UNC45A: variants seen among roughly 807,000 people sequenced by gnomAD.
The protein encoded by UNC45A is protein unc-45 homolog A.
A neutral mutation model predicts 103.2 loss-of-function variants in UNC45A; 78 were observed. The ratio of observed to expected loss-of-function variants is 0.76; its 90% CI spans 0.63 to 0.91. UNC45A has a LOEUF of 0.91. Ranked by LOEUF, UNC45A falls within the 40% of genes least tolerant of loss-of-function variation. UNC45A has a pLI of 0.00. For synonymous variants in UNC45A, 495 were observed against 504.6 expected, an observed-to-expected ratio of 0.98 and a Z score of 0.25; for missense variants, 1,193 against 1,224.8, an observed-to-expected ratio of 0.97 and a Z score of 0.39.
chr15:90,931,507 G>A (rs1347013665), upstream of UNC45A: 9 of 1,614,028 alleles, frequency 5.6e-6, no homozygotes, highest in African/African-American at 1.3e-5. Context: ...AGTTCCTGAT[G>A]GAATGAGCTG....
rs752511822 is a variant in UNC45A, at chr15:90,949,310, C to T, written c.1879-6C>T. 1.6e-5 allele frequency: 25 copies of T among 1,610,568 alleles called. No individual in the cohort carries two copies. The Admixed American group carries it at 3.8e-4, about 25-fold the overall frequency. On this transcript the variant is annotated splice_polypyrimidine_tract_variant and splice_region_variant and intron_variant, in intron 13 of 19. Coordinates refer to ENST00000418476, the MANE Select transcript of UNC45A (RefSeq NM_018671.5). Reference sequence around the variant, plus strand: ...GGCCCCTCTCCTAAGCTGCCTCCTCCCCCAGGACAAGCCAAGCTTCGTGCG... The same window carrying T: ...GGCCCCTCTCCTAAGCTGCCTCCTCTCCCAGGACAAGCCAAGCTTCGTGCG...
chr15:90,948,875 CTTTTTTTTTTTTT>C lies in UNC45A; in HGVS notation c.1878+90_1878+102del, dbSNP rs5814443. The C allele has an allele frequency of 3.2e-5, 32 of 986,290 alleles. No homozygotes were observed. In the South Asian group the frequency reaches 5.9e-4, roughly 18 times the overall value. 61.1% of individuals were successfully genotyped at this position (986,290 alleles called of 1,614,324 possible). On this transcript the variant is annotated intron_variant, in intron 13 of 19. Transcript: ENST00000418476. ...GGGCATCCACAGCAGAACAACCTCC[CTTTTTTTTTTTTT>C]TTTTTTTTGAGATGGAGTCTCACTG...
rs548551634 is a variant in UNC45A at position 90,950,523 on chromosome 15, C to T, written c.2211C>T (p.Leu737=). 205 of 1,614,094 alleles carry T rather than the reference C, an allele frequency of 1.3e-4. No individual in the cohort carries two copies. The highest frequency in any genetic ancestry group is 1.4e-4 in the Non-Finnish European group (169 of 1,180,016). ...GERIYEVVRP[L]VSLLHLNCSG... ...AGATCTATGAGGTGGTCCGGCCCCT[C>T]GTCTCCCTGTTGCACCTCAACTGCT... Residue 737 remains leucine, a synonymous_variant, in exon 17 of 20, where the codon CTC becomes CTT. Coordinates refer to ENST00000418476, the MANE Select transcript of UNC45A (RefSeq NM_018671.5).
At chr15:90,947,279 G>C (rs1466172377) in intron 10 of UNC45A, 1 of 292,882 alleles carries the variant, frequency 3.4e-6, no homozygotes, top group Non-Finnish European at 6.6e-6. Context: ...GACTGGGCCT[G>C]CAGGGGTCAT....
At chr15:90,935,800 A>G in intron 2 of UNC45A, 95 bp downstream of exon 2, 2 of 1,528,530 alleles carry the variant, frequency 1.3e-6, no homozygotes, top group South Asian at 1.3e-5. Flanking sequence ...TCACGCTCCC[A>G]GGCCATCCCC....
chr15:90,952,947 G>A lies in UNC45A; in HGVS notation c.2322G>A (p.Glu774=), dbSNP rs1409304728. 1 of 1,613,120 alleles carries A rather than the reference G, an allele frequency of 6.2e-7. No individual in the cohort carries two copies. The highest frequency in any genetic ancestry group is 8.5e-7 in the Non-Finnish European group (1 of 1,180,032). The change falls in exon 18 of 20, where the codon GAG becomes GAA. Residue 774 remains glutamate, a synonymous_variant. Coordinates refer to ENST00000418476, the MANE Select transcript of UNC45A (RefSeq NM_018671.5). ...SERLRQKILK[E]KAVPMIEGYM... is the part of the protein sequence containing the mutation. Reference sequence around the variant, plus strand: ...CCTGCAGGCAGAAGATCCTGAAGGAGAAGGCTGTGCCCATGATAGAAGGCT... The same window carrying A: ...CCTGCAGGCAGAAGATCCTGAAGGAAAAGGCTGTGCCCATGATAGAAGGCT...
At chr15:90,932,482 C>T (rs544321005), upstream of UNC45A, 2 of 1,308,306 alleles carry the variant, frequency 1.5e-6, no homozygotes, top group South Asian at 2.4e-5. Context: ...CCGCTGCTGC[C>T]GGTGCTTGCG....
rs756931207 is a variant in UNC45A at position 90,935,313 on chromosome 15, A to C, written c.-12A>C. 4.4e-6 allele frequency: 7 copies of C among 1,600,610 alleles called. No homozygotes were observed. The highest frequency in any genetic ancestry group is 2.3e-5 in the East Asian group (1 of 44,098). ...GACTGCGCCTGCGCGGGCACGAGAC[A>C]ACCTCTCCGCGATGACTGTGAGTGG... On this transcript the variant is annotated 5_prime_UTR_variant, in exon 1 of 20. Coordinates refer to ENST00000418476, the MANE Select transcript of UNC45A (RefSeq NM_018671.5).
chr15:90,932,004 G>A (rs1174914889), upstream of UNC45A: 9 of 1,613,848 alleles, frequency 5.6e-6, no homozygotes, highest in Non-Finnish European at 7.6e-6. Context: ...ATTGCTGAAT[G>A]GGGCCCCTAA....
At chr15:90,935,102 T>C, upstream of UNC45A, 2 of 591,108 alleles carry the variant, frequency 3.4e-6, no homozygotes, top group Non-Finnish European at 6.0e-6. Context: ...TCCCTGCAGG[T>C]CTCTGCGGGG....
At position 90,954,057 on chromosome 15, in the gene UNC45A, C is replaced by T; in HGVS notation, c.*341C>T. 2.9e-6 allele frequency: 1 copy of T among 343,278 alleles called. No homozygotes were observed. The highest frequency in any genetic ancestry group is 5.6e-6 in the Non-Finnish European group (1 of 178,450). The allele number at this position is 343,278 out of a possible 1,614,324, so 21.3% of individuals were successfully genotyped here. A position where few individuals can be genotyped will look rare whatever the true frequency, so the allele number is the denominator to read the frequency against. ...GCCTCACCAGCTGTGAGCCTGCTAT[C>T]AGGCCTGCCCCTCCAATAAAAGTGT... On this transcript the variant is annotated 3_prime_UTR_variant, in exon 20 of 20. Transcript: ENST00000418476.
In UNC45A at chr15:90,948,832, A is replaced by G. The variant is rs1212640368; in HGVS notation, c.1878+38A>G. The G allele has an allele frequency of 3.9e-6, 6 of 1,533,002 alleles. No homozygotes were observed. In the East Asian group the frequency reaches 1.5e-4, roughly 37 times the overall value. The allele number at this position is 1,533,002 out of a possible 1,614,324, so 95.0% of individuals were successfully genotyped here. A position where few individuals can be genotyped will look rare whatever the true frequency, so the allele number is the denominator to read the frequency against. ...CAGAGGGGCTAGAGGGTTCCCCACC[A>G]TGGGGACAGCTAACCCAGGGCATCC... On this transcript the variant is annotated intron_variant, in intron 13 of 19. Transcript: ENST00000418476.
chr15:90,935,496 C>G, intron 1 of UNC45A, 48 bp from the exon 2 acceptor site: 1 of 1,574,938 alleles, frequency 6.3e-7, no homozygotes, highest in Non-Finnish European at 8.6e-7. Flanking sequence ...AGCTCCCGGG[C>G]TCTGCCCCGA....
Position 90,948,131 on chromosome 15 carries a change from C to T in UNC45A, c.1596-11C>T, listed in dbSNP as rs372621054. On this transcript the variant is annotated splice_polypyrimidine_tract_variant and intron_variant, in intron 11 of 19. Transcript: ENST00000418476. ...ATCCTGAGGGTCGTCCACTATCCTG[C>T]GTGTCCCCAGGTGGCTGTGCAATGA... 4.3e-5 allele frequency: 69 copies of T among 1,613,718 alleles called. No individual in the cohort carries two copies. Among genetic ancestry groups the T allele is most frequent in the East Asian group, 1.1e-4 (5 of 44,890 alleles).
intron 4 of UNC45A, among the ~76,000 whole-genome samples, chr15:90,937,884 C>T (rs530614767): frequency 4.6e-5 from 7 of 152,190 alleles, no homozygotes; most frequent in Admixed American, 1.3e-4. Flanking sequence ...ACAACCTCTT[C>T]CTCCCGGGCT....
intron 17 of UNC45A, among the ~76,000 whole-genome samples, chr15:90,951,721 C>T (rs2036924308): frequency 6.6e-6 from 1 of 152,170 alleles, no homozygotes; most frequent in Non-Finnish European, 1.5e-5. Flanking sequence ...TGTAACAAAC[C>T]TGCACGTCCT....
chr15:90,940,633 T>A, intron 6 of UNC45A, 160 bp downstream of exon 6: 1 of 884,366 alleles, frequency 1.1e-6, no homozygotes, highest in Non-Finnish European at 1.6e-6. Flanking sequence ...AGAACTTAGG[T>A]AGGTTATGGT....
rs75392701 is a variant in UNC45A, at chr15:90,946,411, A to G, written c.1200-203A>G. On this transcript the variant is annotated intron_variant, in intron 9 of 19. Transcript: ENST00000418476. ...ATGGGAGTAACCTGTATTAGATACT[A>G]TGTCAGGGAAGGCTTGAGTGAAAGT... is the stretch of plus-strand genomic sequence containing the variant. Among the ~76,000 whole-genome samples the G allele has an allele frequency of 6.1e-3, 932 of 152,262 alleles. 12 individuals are homozygous for G. The highest frequency in any genetic ancestry group is 0.021 in the African/African-American group (888 of 41,560).
chr15:90,931,679 C>G, upstream of UNC45A: 1 of 1,613,918 alleles, frequency 6.2e-7, no homozygotes. Flanking sequence ...CTCCCTTTTC[C>G]CTTACAGCCC....
Sources: gnomAD v4.1 joint callset for allele counts (sites outside exome capture counted in the v4.1 genomes callset) on GRCh38, gnomAD v4.1.1 for gene constraint, MANE v1.5 for transcripts, NCBI Gene and HGNC (gene_info 2026-07-23, HGNC 2026-07-21) for gene names.